Variants in ADCY2 observed in about 807,000 individuals in gnomAD.
ADCY2 encodes the protein adenylate cyclase type 2.
Under a neutral mutation model 125.2 loss-of-function variants are expected in ADCY2, and 31 were observed. That is an observed-to-expected ratio of 0.25 (90% CI 0.19 to 0.33). The LOEUF is 0.33. Ranked by LOEUF, ADCY2 falls within the 10% of genes least tolerant of loss-of-function variation. ADCY2 has a pLI of 1.00. For missense variants in ADCY2, 904 were observed against 1,418.2 expected (o/e 0.64, Z 5.82); for synonymous variants, 512 against 548.4 (o/e 0.93, Z 0.93).
intron 7 of ADCY2, among the ~76,000 whole-genome samples, chr5:7,703,430 G>T (rs1340293847): frequency 6.6e-6 from 1 of 151,624 alleles, no homozygotes; most frequent in Non-Finnish European, 1.5e-5. Context: ...TCCAGTTTCG[G>T]CTTTCTACAT....
chr5:7,525,022 A>G (rs1734406576), intron 3 of ADCY2, among the ~76,000 whole-genome samples: 1 of 151,392 alleles, frequency 6.6e-6, no homozygotes, highest in Non-Finnish European at 1.5e-5. Flanking sequence ...TATTTTTTAG[A>G]GATGGAGTCT....
At chr5:7,561,715 A>G (rs1349892489) in intron 3 of ADCY2, among the ~76,000 whole-genome samples, 1 of 152,184 alleles carries the variant, frequency 6.6e-6, no homozygotes, top group African/African-American at 2.4e-5. Flanking sequence ...TACACAAGTT[A>G]TATGTTTGGC....
chr5:7,752,002 G>C (rs1327672601), intron 15 of ADCY2, among the ~76,000 whole-genome samples: 1 of 152,186 alleles, frequency 6.6e-6, no homozygotes, highest in African/African-American at 2.4e-5. Flanking sequence ...GGAAAACAGA[G>C]ACAAGTGCGA....
intron 20 of ADCY2, among the ~76,000 whole-genome samples, chr5:7,792,534 C>T (rs1744283653): frequency 6.6e-6 from 1 of 152,010 alleles, no homozygotes; most frequent in South Asian, 2.1e-4. Flanking sequence ...ACCCTGGCCC[C>T]AGGGTTCAGC....
At chr5:7,683,685 A>G (rs952731613) in intron 4 of ADCY2, among the ~76,000 whole-genome samples, 1 of 152,208 alleles carries the variant, frequency 6.6e-6, no homozygotes, top group South Asian at 2.1e-4. Context: ...GGGAGAGTCA[A>G]CACATTTCAG....
chr5:7,434,866 A>T (rs1740737907), intron 2 of ADCY2, among the ~76,000 whole-genome samples: 1 of 152,222 alleles, frequency 6.6e-6, no homozygotes, highest in African/African-American at 2.4e-5. Flanking sequence ...GGAGGCCTGC[A>T]TGGGTCCAAA....
chr5:7,599,813 A>C (rs968235740), intron 3 of ADCY2, among the ~76,000 whole-genome samples: 2 of 152,164 alleles, frequency 1.3e-5, no homozygotes, highest in African/African-American at 4.8e-5. Context: ...GCCAAATAGG[A>C]GGAAGGAATT....
At chr5:7,529,131 G>A (rs1407545517) in intron 3 of ADCY2, among the ~76,000 whole-genome samples, 2 of 152,166 alleles carry the variant, frequency 1.3e-5, no homozygotes, top group South Asian at 2.1e-4. Context: ...GAAGGAGGAT[G>A]TACACATCAT....
intron 4 of ADCY2, among the ~76,000 whole-genome samples, chr5:7,686,155 T>C (rs1303274918): frequency 6.6e-6 from 1 of 152,212 alleles, no homozygotes; most frequent in Non-Finnish European, 1.5e-5. Context: ...GGGTATAGTA[T>C]GTATTTCTAT....
At chr5:7,565,204 C>G (rs1237950272) in intron 3 of ADCY2, among the ~76,000 whole-genome samples, 1 of 152,158 alleles carries the variant, frequency 6.6e-6, no homozygotes, top group Non-Finnish European at 1.5e-5. Context: ...CAGGGTCAGT[C>G]TTTTTACTTT....
intron 2 of ADCY2, among the ~76,000 whole-genome samples, chr5:7,423,665 A>G (rs2126356755): frequency 6.6e-6 from 1 of 152,260 alleles, no homozygotes; most frequent in Non-Finnish European, 1.5e-5. Flanking sequence ...AGTCTCGGGT[A>G]TGTCTTTATT....
chr5:7,684,798 A>G (rs10071594), intron 4 of ADCY2, among the ~76,000 whole-genome samples: 7,470 of 149,664 alleles, frequency 0.05, 499 homozygotes, highest in African/African-American at 0.15. Flanking sequence ...TTGTCAAAAC[A>G]TGTTTAAATC....
Position 7,763,623 on chromosome 5 carries a change from T to G in ADCY2, c.2095-3064T>G, listed in dbSNP as rs1045354668. On this transcript the variant is annotated intron_variant, in intron 16 of 24. Coordinates refer to ENST00000338316, the MANE Select transcript of ADCY2 (RefSeq NM_020546.3). ...GGTCACCATTGTGCTGCTTCCTATT[T>G]CTATGAATTTGCCTATTCTAGGGAC... is the stretch of plus-strand genomic sequence containing the variant. Among the ~76,000 whole-genome samples, 29 of 152,108 alleles carry G rather than the reference T, an allele frequency of 1.9e-4. 1 individual carries two copies. Among genetic ancestry groups the G allele is most frequent in the African/African-American group, 6.8e-4 (28 of 41,422 alleles).
At chr5:7,700,697 AC>A (rs1741048805) in intron 7 of ADCY2, among the ~76,000 whole-genome samples, 1 of 11,520 alleles carries the variant, frequency 8.7e-5, no homozygotes, top group African/African-American at 2.8e-4. Flanking sequence ...TAATGCCCCC[AC>A]CCCCCACCCC....
intron 7 of ADCY2, among the ~76,000 whole-genome samples, chr5:7,703,050 C>A (rs1419409283): frequency 6.6e-6 from 1 of 152,128 alleles, no homozygotes; most frequent in African/African-American, 2.4e-5. Context: ...CTGTTCATAT[C>A]CTTTGCCCAC....
intron 7 of ADCY2, among the ~76,000 whole-genome samples, chr5:7,699,224 A>G (rs1416230065): frequency 1.4e-5 from 2 of 144,788 alleles, no homozygotes; most frequent in Non-Finnish European, 3.0e-5. Context: ...CAGCCTCCCA[A>G]GTAGCTGGGA....
chr5:7,549,061 A>G (rs935723171), intron 3 of ADCY2, among the ~76,000 whole-genome samples: 83 of 152,332 alleles, frequency 5.4e-4, no homozygotes, highest in African/African-American at 1.8e-3. Flanking sequence ...TGGTAGTGTT[A>G]CATAACTGCT....
intron 1 of ADCY2, among the ~76,000 whole-genome samples, chr5:7,409,745 G>C (rs957738166): frequency 1.3e-5 from 2 of 152,020 alleles, no homozygotes; most frequent in Non-Finnish European, 2.9e-5. Flanking sequence ...TTATTTGCTT[G>C]GCCTATCAAT....
chr5:7,441,296 A>G (rs980428832), intron 2 of ADCY2, among the ~76,000 whole-genome samples: 1 of 152,168 alleles, frequency 6.6e-6, no homozygotes, highest in African/African-American at 2.4e-5. Context: ...GTCACAACCT[A>G]CTTCCTGATG....
Sources: allele counts gnomAD v4.1 joint callset (sites outside exome capture counted in the v4.1 genomes callset), GRCh38; gene constraint gnomAD v4.1.1; transcripts MANE v1.5; gene names NCBI Gene and HGNC (gene_info 2026-07-23, HGNC 2026-07-21).